The following DLG2 variants were observed in gnomAD, a reference collection of about 807,000 sequenced individuals.
DLG2 encodes the protein discs large MAGUK scaffold protein 2, also known as disks large homolog 2.
Under a neutral mutation model 132.5 loss-of-function variants are expected in DLG2, and 45 were observed. That is an observed-to-expected ratio of 0.34 (90% CI 0.27 to 0.44). The LOEUF is 0.44. Among genes scored for constraint, DLG2 ranks in the 20% least tolerant of loss-of-function variants. DLG2 has a pLI of 1.00. For missense variants in DLG2, 1,045 were observed against 1,196.9 expected (o/e 0.87, Z 1.87); for synonymous variants, 424 against 419.6 (o/e 1.01, Z -0.13).
At chr11:84,597,323 T>A (rs1281867285) in intron 6 of DLG2, among the ~76,000 whole-genome samples, 1 of 152,202 alleles carries the variant, frequency 6.6e-6, no homozygotes, top group African/African-American at 2.4e-5. Context: ...CAAGGAGGGA[T>A]AATGATAGAG....
intron 3 of DLG2, among the ~76,000 whole-genome samples, chr11:85,516,680 T>C (rs1451728291): frequency 6.6e-6 from 1 of 151,956 alleles, no homozygotes; most frequent in Non-Finnish European, 1.5e-5. Context: ...CTAGAGGAAA[T>C]GAATAAATTC....
chr11:84,493,525 T>A (rs2099170909), intron 7 of DLG2, among the ~76,000 whole-genome samples: 1 of 152,020 alleles, frequency 6.6e-6, no homozygotes, highest in African/African-American at 2.4e-5. Flanking sequence ...GCATCACACA[T>A]TGCTCAGGTC....
At chr11:84,094,555 C>A (rs979300273) in intron 10 of DLG2, among the ~76,000 whole-genome samples, 2 of 152,156 alleles carry the variant, frequency 1.3e-5, no homozygotes. Context: ...GGCCTATAAA[C>A]CAAGGCACTG....
At chr11:84,506,156 A>G (rs929739660) in intron 7 of DLG2, among the ~76,000 whole-genome samples, 1 of 142,346 alleles carries the variant, frequency 7.0e-6, no homozygotes, top group Non-Finnish European at 1.5e-5. Context: ...GCTCACTGCA[A>G]GCTCCGCCTC....
chr11:83,561,875 ATTTC>A (rs1555194106), intron 19 of DLG2, among the ~76,000 whole-genome samples: 3 of 126,480 alleles, frequency 2.4e-5, no homozygotes, highest in Admixed American at 8.2e-5. Context: ...TTGACTTAGT[ATTTC>A]TTTCTTTTTT....
intron 7 of DLG2, among the ~76,000 whole-genome samples, chr11:84,259,848 C>G (rs1354496124): frequency 2.0e-5 from 3 of 152,112 alleles, no homozygotes; most frequent in African/African-American, 7.2e-5. Context: ...AATAGCAGGA[C>G]CAAGAGTCAG....
At chr11:83,780,041 G>A (rs1441355598) in intron 18 of DLG2, among the ~76,000 whole-genome samples, 2 of 152,050 alleles carry the variant, frequency 1.3e-5, no homozygotes, top group Non-Finnish European at 2.9e-5. Context: ...ATCCACAGCT[G>A]GACTTTAAAA....
chr11:83,908,507 C>T (rs1348634310), intron 15 of DLG2, among the ~76,000 whole-genome samples: 1 of 152,054 alleles, frequency 6.6e-6, no homozygotes, highest in Non-Finnish European at 1.5e-5. Flanking sequence ...CATGTACATA[C>T]ACATACACAC....
At chr11:83,671,962 C>T (rs1287610717) in intron 18 of DLG2, among the ~76,000 whole-genome samples, 1 of 152,048 alleles carries the variant, frequency 6.6e-6, no homozygotes, top group African/African-American at 2.4e-5. Flanking sequence ...AAGTGTTTCC[C>T]CTATGTCTCT....
intron 9 of DLG2, among the ~76,000 whole-genome samples, chr11:84,123,994 G>A (rs1277885380): frequency 6.6e-6 from 1 of 152,086 alleles, no homozygotes; most frequent in Non-Finnish European, 1.5e-5. Flanking sequence ...AAATAAAGTC[G>A]GTTGAGAGCT....
At chr11:83,857,309 T>C (rs1255934387) in intron 16 of DLG2, among the ~76,000 whole-genome samples, 3 of 152,226 alleles carry the variant, frequency 2.0e-5, no homozygotes, top group African/African-American at 4.8e-5. Flanking sequence ...GGATCCTTTT[T>C]GGTTCCATAT....
At chr11:83,590,288 G>A (rs897630921) in intron 19 of DLG2, among the ~76,000 whole-genome samples, 2 of 152,106 alleles carry the variant, frequency 1.3e-5, no homozygotes, top group African/African-American at 2.4e-5. Context: ...ATAACAAACA[G>A]TCTCTCAGAC....
At chr11:83,858,043 T>C (rs1016876844) in intron 16 of DLG2, among the ~76,000 whole-genome samples, 8 of 152,276 alleles carry the variant, frequency 5.3e-5, no homozygotes, top group African/African-American at 1.4e-4. Context: ...AAAAGGAAGA[T>C]TGCAGCACTG....
chr11:84,798,401 C>G (rs1023768339), intron 6 of DLG2, among the ~76,000 whole-genome samples: 1 of 152,186 alleles, frequency 6.6e-6, no homozygotes, highest in African/African-American at 2.4e-5. Flanking sequence ...AGTCCTTCCC[C>G]CTCTTTCCTC....
chr11:85,539,577 T>A (rs1409148266), intron 3 of DLG2, among the ~76,000 whole-genome samples: 1 of 152,204 alleles, frequency 6.6e-6, no homozygotes, highest in Non-Finnish European at 1.5e-5. Flanking sequence ...TAGTTACTGA[T>A]GATAGCTGCA....
chr11:84,233,232 G>A (rs1412336483), intron 8 of DLG2, among the ~76,000 whole-genome samples: 4 of 152,136 alleles, frequency 2.6e-5, no homozygotes, highest in East Asian at 1.9e-4. Context: ...GTAGTTAACC[G>A]CTACTCTAAA....
At chr11:83,655,133 A>T (rs2071960116) in intron 18 of DLG2, among the ~76,000 whole-genome samples, 1 of 152,314 alleles carries the variant, frequency 6.6e-6, no homozygotes, top group African/African-American at 2.4e-5. Flanking sequence ...TTGTATTGTA[A>T]TGAGTGGCCT....
intron 2 of DLG2, among the ~76,000 whole-genome samples, chr11:85,623,310 ATTTTTTT>A (rs202111117): frequency 6.8e-6 from 1 of 146,982 alleles, no homozygotes; most frequent in East Asian, 2.0e-4. Flanking sequence ...CAATAGGACA[ATTTTTTT>A]TTTTTTGAGA....
At chr11:83,760,816 C>T (rs2093873409) in intron 18 of DLG2, among the ~76,000 whole-genome samples, 1 of 152,204 alleles carries the variant, frequency 6.6e-6, no homozygotes, top group Non-Finnish European at 1.5e-5. Context: ...GCCTAGACAA[C>T]TGTAGCAGCT....
Sources: gnomAD v4.1 joint callset for allele counts (sites outside exome capture counted in the v4.1 genomes callset) on GRCh38, gnomAD v4.1.1 for gene constraint, MANE v1.5 for transcripts, NCBI Gene and HGNC (gene_info 2026-07-23, HGNC 2026-07-21) for gene names.